Variants in FHIT observed in about 807,000 individuals in gnomAD.
FHIT encodes bis(5'-adenosyl)-triphosphatase.
Under a neutral mutation model 17.9 loss-of-function variants are expected in FHIT, and 19 were observed. That is an observed-to-expected ratio of 1.06 (90% CI 0.74 to 1.56). The LOEUF is 1.56. Among genes scored for constraint, FHIT ranks in the 40% most tolerant of loss-of-function variants. FHIT has a pLI of 0.00. For missense variants in FHIT, 248 were observed against 189.2 expected (o/e 1.31, Z -1.82); for synonymous variants, 81 against 69.7 (o/e 1.16, Z -0.81).
intron 5 of FHIT, among the ~76,000 whole-genome samples, chr3:60,114,602 T>C (rs1034805998): frequency 6.9e-6 from 1 of 145,032 alleles, no homozygotes; most frequent in African/African-American, 2.6e-5. Context: ...CAAGTCATCC[T>C]CCCGCCTCAG....
intron 8 of FHIT, among the ~76,000 whole-genome samples, chr3:59,885,016 A>G (rs1703560492): frequency 6.6e-6 from 1 of 152,234 alleles, no homozygotes. Context: ...AAAATTCACC[A>G]AAACAAAATA....
chr3:60,499,329 G>A (rs1325939016), intron 5 of FHIT, among the ~76,000 whole-genome samples: 3 of 152,088 alleles, frequency 2.0e-5, no homozygotes, highest in Non-Finnish European at 4.4e-5. Context: ...GTCCTTAGAA[G>A]GCCTTATTAA....
chr3:60,383,617 T>C (rs1404595754), intron 5 of FHIT, among the ~76,000 whole-genome samples: 1 of 152,084 alleles, frequency 6.6e-6, no homozygotes, highest in African/African-American at 2.4e-5. Context: ...ATCACTATCA[T>C]TTAAATGATT....
At chr3:60,696,014 T>TC (rs1173376742) in intron 4 of FHIT, among the ~76,000 whole-genome samples, 1 of 152,132 alleles carries the variant, frequency 6.6e-6, no homozygotes, top group Non-Finnish European at 1.5e-5. Context: ...TGCAGCCCAG[T>TC]CCCACTCTGT....
chr3:60,455,949 A>G (rs2032062882), intron 5 of FHIT, among the ~76,000 whole-genome samples: 1 of 152,184 alleles, frequency 6.6e-6, no homozygotes, highest in South Asian at 2.1e-4. Flanking sequence ...ACCTTTAGCA[A>G]TGAGATAAAC....
chr3:60,317,837 C>T (rs1053383615), intron 5 of FHIT, among the ~76,000 whole-genome samples: 1 of 149,432 alleles, frequency 6.7e-6, no homozygotes, highest in Admixed American at 6.7e-5. Flanking sequence ...GTTGCTGAGG[C>T]TGTAGTACAG....
At chr3:60,316,567 T>C (rs1197129708) in intron 5 of FHIT, among the ~76,000 whole-genome samples, 3 of 152,192 alleles carry the variant, frequency 2.0e-5, no homozygotes, top group South Asian at 2.1e-4. Flanking sequence ...TGGAAATATC[T>C]GCCAGTTTCC....
chr3:59,764,703 G>A (rs1192488941), intron 8 of FHIT, among the ~76,000 whole-genome samples: 1 of 148,772 alleles, frequency 6.7e-6, no homozygotes, highest in Admixed American at 6.8e-5. Context: ...CATGACAGCA[G>A]ATCGTCACAG....
At chr3:60,318,807 A>G (rs1202758615) in intron 5 of FHIT, among the ~76,000 whole-genome samples, 1 of 152,232 alleles carries the variant, frequency 6.6e-6, no homozygotes, top group African/African-American at 2.4e-5. Context: ...TCTGGAAGCC[A>G]GAAGTACAAA....
In FHIT at chr3:60,679,604, G is replaced by A. The variant is rs147795100; in HGVS notation, c.-18+142315C>T. On this transcript the variant is annotated intron_variant, in intron 4 of 9. Coordinates refer to ENST00000492590, the MANE Select transcript of FHIT (RefSeq NM_002012.4). ...CCATAATTTATTTAACAATTTCACT[G>A]TTTACTGACAGATAATTTAGAGTAC... Among the ~76,000 whole-genome samples the A allele has an allele frequency of 6.7e-3, 1,019 of 151,996 alleles. 12 individuals are homozygous for A. Among genetic ancestry groups the A allele is most frequent in the African/African-American group, 0.022 (911 of 41,486 alleles).
At chr3:59,754,029 T>G (rs1612985) in intron 8 of FHIT, among the ~76,000 whole-genome samples, 12,957 of 151,932 alleles carry the variant, frequency 0.085, 725 homozygotes, top group African/African-American at 0.15. Flanking sequence ...TATCAACTAA[T>G]AAATGACTTT....
chr3:61,216,634 C>A (rs991395821), intron 1 of FHIT, among the ~76,000 whole-genome samples: 3 of 152,132 alleles, frequency 2.0e-5, no homozygotes, highest in African/African-American at 7.2e-5. Flanking sequence ...CCCAGCCATG[C>A]CATTACTGCG....
At chr3:59,785,329 A>G (rs1349221390) in intron 8 of FHIT, among the ~76,000 whole-genome samples, 1 of 106,462 alleles carries the variant, frequency 9.4e-6, no homozygotes, top group Non-Finnish European at 1.9e-5. Flanking sequence ...TTTTTTTTTG[A>G]GATAGTATCT....
At chr3:60,222,016 C>T (rs9837820) in intron 5 of FHIT, among the ~76,000 whole-genome samples, 9,564 of 152,146 alleles carry the variant, frequency 0.063, 440 homozygotes, top group African/African-American at 0.13. Flanking sequence ...CCTATTATCA[C>T]CTCCCCAGTA....
At position 60,309,038 on chromosome 3, in the gene FHIT, C is replaced by T. The variant is rs112623155; in HGVS notation, c.103+227822G>A. Among the ~76,000 whole-genome samples, 72 of 152,232 alleles carry T rather than the reference C, an allele frequency of 4.7e-4. 1 individual carries two copies. In the South Asian group the frequency reaches 0.012, roughly 26 times the overall value. ...TCTAGGCTGCTTGGAGCCTTAGTGC[C>T]GTCACCTCTGGTAAACAGGATTCAT... On this transcript the variant is annotated intron_variant, in intron 5 of 9. Coordinates refer to ENST00000492590, the MANE Select transcript of FHIT (RefSeq NM_002012.4).
At chr3:61,053,594 G>A (rs2034107090) in intron 2 of FHIT, among the ~76,000 whole-genome samples, 1 of 152,040 alleles carries the variant, frequency 6.6e-6, no homozygotes, top group Non-Finnish European at 1.5e-5. Flanking sequence ...GGAGGCAGAG[G>A]TTGCAGTGAG....
chr3:60,023,564 T>A lies in FHIT; in HGVS notation c.104-9412A>T, dbSNP rs1321014237. On this transcript the variant is annotated intron_variant, in intron 5 of 9. Coordinates refer to ENST00000492590, the MANE Select transcript of FHIT (RefSeq NM_002012.4). Reference sequence around the variant, plus strand: ...GTTTCCCTCAGATCTTCCATATAGCTGGCCAAGCCAATGGAGCAACCAGAC... The same window carrying A: ...GTTTCCCTCAGATCTTCCATATAGCAGGCCAAGCCAATGGAGCAACCAGAC... 2.6e-5 allele frequency among the ~76,000 whole-genome samples: 4 copies of A among 152,284 alleles called. No individual in the cohort carries two copies. In the East Asian group the frequency reaches 5.8e-4, roughly 22 times the overall value.
intron 2 of FHIT, among the ~76,000 whole-genome samples, chr3:61,071,071 T>A (rs933077161): frequency 3.9e-5 from 6 of 152,210 alleles, no homozygotes; most frequent in Non-Finnish European, 8.8e-5. Flanking sequence ...TTTCTCAATA[T>A]CTTATATGGG....
At chr3:59,933,795 C>T (rs943937972) in intron 7 of FHIT, among the ~76,000 whole-genome samples, 5 of 152,070 alleles carry the variant, frequency 3.3e-5, no homozygotes, top group Admixed American at 2.6e-4. Context: ...ATAGTTCATG[C>T]CAGGAAATTT....
Sources: allele counts gnomAD v4.1 joint callset (sites outside exome capture counted in the v4.1 genomes callset), GRCh38; gene constraint gnomAD v4.1.1; transcripts MANE v1.5; gene names NCBI Gene and HGNC (gene_info 2026-07-23, HGNC 2026-07-21).